CNTNAP2: variants seen among roughly 807,000 people sequenced by gnomAD.
CNTNAP2 encodes the protein contactin associated protein 2.
CNTNAP2 carries 98 observed loss-of-function variants against 155.2 expected under a neutral mutation model. The ratio of observed to expected loss-of-function variants is 0.63; its 90% CI spans 0.54 to 0.75. CNTNAP2 has a LOEUF of 0.75. Ranked by LOEUF, CNTNAP2 falls within the 30% of genes least tolerant of loss-of-function variation. The probability of loss-of-function intolerance (pLI) is 0.00; values close to 1 mark genes in which losing one functional copy is unlikely to be tolerated. For synonymous variants in CNTNAP2, 651 were observed against 631.2 expected (o/e 1.03, Z -0.47); for missense variants, 1,727 against 1,688.1 (o/e 1.02, Z -0.40).
At chr7:147,407,066 C>A (rs116581992) in intron 10 of CNTNAP2, among the ~76,000 whole-genome samples, 16 of 152,272 alleles carry the variant, frequency 1.1e-4, no homozygotes, top group East Asian at 3.9e-4. Flanking sequence ...AAGACCCCCC[C>A]CTCTGGGAAA....
chr7:148,114,524 T>C (rs1804422857), intron 15 of CNTNAP2, among the ~76,000 whole-genome samples: 1 of 152,132 alleles, frequency 6.6e-6, no homozygotes, highest in East Asian at 1.9e-4. Context: ...GGGAGCAGTA[T>C]CAACAAACAA....
chr7:146,251,164 A>G (rs1799750391), intron 1 of CNTNAP2, among the ~76,000 whole-genome samples: 2 of 152,214 alleles, frequency 1.3e-5, no homozygotes, highest in Non-Finnish European at 2.9e-5. Flanking sequence ...ATAATCTTAC[A>G]CATTAGACAA....
chr7:148,185,807 A>G (rs918505756), intron 18 of CNTNAP2, among the ~76,000 whole-genome samples: 3 of 152,254 alleles, frequency 2.0e-5, no homozygotes, highest in Non-Finnish European at 4.4e-5. Flanking sequence ...AGTTAAAAAT[A>G]TAAATTAAGT....
At chr7:146,409,935 T>G (rs1368405529) in intron 1 of CNTNAP2, among the ~76,000 whole-genome samples, 1 of 152,122 alleles carries the variant, frequency 6.6e-6, no homozygotes, top group African/African-American at 2.4e-5. Context: ...ACTTTCAAGG[T>G]CCTTCTGACT....
intron 1 of CNTNAP2, among the ~76,000 whole-genome samples, chr7:146,644,293 G>T (rs1157500962): frequency 6.6e-6 from 1 of 152,228 alleles, no homozygotes; most frequent in East Asian, 1.9e-4. Context: ...CTGTGGGTTT[G>T]TCATAGACAG....
chr7:147,622,581 C>A (rs1277909145), intron 12 of CNTNAP2, among the ~76,000 whole-genome samples: 2 of 151,878 alleles, frequency 1.3e-5, no homozygotes, highest in East Asian at 1.9e-4. Context: ...TGGCTTGAAA[C>A]AAATGATGAT....
chr7:146,976,257 T>C (rs369975292), intron 3 of CNTNAP2, among the ~76,000 whole-genome samples: 2 of 152,156 alleles, frequency 1.3e-5, no homozygotes. Flanking sequence ...ATGTACCAAG[T>C]AAGCAACCAG....
At chr7:148,252,979 C>T (rs1796389962) in intron 20 of CNTNAP2, among the ~76,000 whole-genome samples, 1 of 150,492 alleles carries the variant, frequency 6.6e-6, no homozygotes, top group African/African-American at 2.5e-5. Context: ...GGGGGTGATC[C>T]TATGCCAGAA....
At chr7:146,191,655 C>G (rs866771459) in intron 1 of CNTNAP2, among the ~76,000 whole-genome samples, 1 of 152,078 alleles carries the variant, frequency 6.6e-6, no homozygotes, top group African/African-American at 2.4e-5. Context: ...TAGAGACCTA[C>G]CCCTGGGAAT....
At chr7:146,771,133 C>G (rs1802286881) in intron 1 of CNTNAP2, among the ~76,000 whole-genome samples, 2 of 152,058 alleles carry the variant, frequency 1.3e-5, no homozygotes, top group African/African-American at 4.8e-5. Context: ...AACTCCCTGC[C>G]CACTGTTTCA....
chr7:147,163,204 A>G (rs1802060233), intron 8 of CNTNAP2, among the ~76,000 whole-genome samples: 1 of 152,208 alleles, frequency 6.6e-6, no homozygotes, highest in Non-Finnish European at 1.5e-5. Flanking sequence ...GAGGACAATG[A>G]GTCTCATGTC....
chr7:148,116,473 C>T (rs889463056), intron 15 of CNTNAP2, among the ~76,000 whole-genome samples: 1 of 151,652 alleles, frequency 6.6e-6, no homozygotes, highest in Non-Finnish European at 1.5e-5. Flanking sequence ...ACATTTCTCT[C>T]TCTCCAACCC....
intron 13 of CNTNAP2, among the ~76,000 whole-genome samples, chr7:147,790,986 G>T (rs1449010481): frequency 2.0e-5 from 3 of 152,096 alleles, no homozygotes; most frequent in African/African-American, 7.2e-5. Flanking sequence ...GTATTCCTTG[G>T]AAGTTTCTAC....
intron 1 of CNTNAP2, among the ~76,000 whole-genome samples, chr7:146,452,477 G>T (rs934359980): frequency 1.2e-4 from 19 of 152,082 alleles, no homozygotes; most frequent in Non-Finnish European, 2.5e-4. Context: ...TTGAGGTACG[G>T]TATAAATTTG....
chr7:146,519,850 A>G (rs761021133), intron 1 of CNTNAP2, among the ~76,000 whole-genome samples: 7 of 152,068 alleles, frequency 4.6e-5, no homozygotes, highest in Non-Finnish European at 7.4e-5. Context: ...ATGAATTAGT[A>G]TCAACATAGC....
chr7:147,317,105 A>T (rs1795246449), intron 9 of CNTNAP2, among the ~76,000 whole-genome samples: 1 of 152,210 alleles, frequency 6.6e-6, no homozygotes, highest in South Asian at 2.1e-4. Flanking sequence ...ATAACTATTC[A>T]TCTCATAAAT....
intron 6 of CNTNAP2, among the ~76,000 whole-genome samples, chr7:147,123,456 T>C (rs1801161578): frequency 6.6e-6 from 1 of 152,264 alleles, no homozygotes; most frequent in South Asian, 2.1e-4. Flanking sequence ...GATCAGCAGT[T>C]TCATGGACAC....
At chr7:148,330,395 T>G (rs1351693868) in intron 21 of CNTNAP2, among the ~76,000 whole-genome samples, 1 of 144,088 alleles carries the variant, frequency 6.9e-6, no homozygotes, top group Admixed American at 6.9e-5. Flanking sequence ...ACGGATAGAG[T>G]GGAGGGATGG....
Position 146,665,263 on chromosome 7 carries a change from C to A in CNTNAP2, c.98-109008C>A, listed in dbSNP as rs150884390. Among the ~76,000 whole-genome samples the A allele has an allele frequency of 1.8e-3, 273 of 152,210 alleles. 1 individual carries two copies. Among genetic ancestry groups the A allele is most frequent in the African/African-American group, 6.3e-3 (263 of 41,562 alleles). ...CGCGCCCGGCGTCTTGCTATCCTGA[C>A]ATTTATCATTCCTTTCTCTCTCTTT... On this transcript the variant is annotated intron_variant, in intron 1 of 23. Coordinates refer to ENST00000361727, the MANE Select transcript of CNTNAP2 (RefSeq NM_014141.6).
Sources: gnomAD v4.1 joint callset for allele counts (sites outside exome capture counted in the v4.1 genomes callset) on GRCh38, gnomAD v4.1.1 for gene constraint, MANE v1.5 for transcripts, NCBI Gene and HGNC (gene_info 2026-07-23, HGNC 2026-07-21) for gene names.